AKNAD1: variants seen among roughly 807,000 people sequenced by gnomAD.
The protein encoded by AKNAD1 is protein AKNAD1.
A neutral mutation model predicts 90.8 loss-of-function variants in AKNAD1; 67 were observed. The observed-to-expected ratio is 0.74, with a 90% confidence interval of 0.61 to 0.90. The LOEUF (loss-of-function observed/expected upper bound fraction) is 0.90, where lower values mean the gene tolerates loss of function less well. AKNAD1 is among the 40% of genes least tolerant of loss of function. The pLI, the probability that AKNAD1 is intolerant of heterozygous loss-of-function variation, is 0.00. For synonymous variants in AKNAD1, 327 were observed against 341.4 expected (o/e 0.96, Z 0.46); for missense variants, 957 against 975.4 (o/e 0.98, Z 0.25).
chr1:108,845,867 AC>A (rs1664687506), intron 5 of AKNAD1, among the ~76,000 whole-genome samples: 1 of 152,224 alleles, frequency 6.6e-6, no homozygotes, highest in South Asian at 2.1e-4. Flanking sequence ...TCACTTACGA[AC>A]TGGAAGCCTG....
In AKNAD1 at chr1:108,837,514, C is replaced by T. The variant is rs1312899871; in HGVS notation, c.1536+36G>A. On this transcript the variant is annotated intron_variant, in intron 7 of 15. Transcript: ENST00000370001. The stretch of plus-strand genomic sequence containing the variant: ...CTATAAATGCAAAAACACCATTTTT[C>T]CTGGCACAAAATTAGACTGTACATT... The T allele has an allele frequency of 1.9e-6, 3 of 1,562,764 alleles. No homozygotes were observed. In the Admixed American group the frequency reaches 5.6e-5, roughly 29 times the overall value.
intron 6 of AKNAD1, among the ~76,000 whole-genome samples, chr1:108,839,809 C>T (rs1664486086): frequency 6.6e-6 from 1 of 151,976 alleles, no homozygotes; most frequent in African/African-American, 2.4e-5. Context: ...TCACTTGAAC[C>T]CAGGAGTTCG....
intron 5 of AKNAD1, among the ~76,000 whole-genome samples, chr1:108,848,470 GGTTCTTCTCTTGAACCTCCC>G (rs1433074640): frequency 6.6e-6 from 1 of 152,084 alleles, no homozygotes; most frequent in African/African-American, 2.4e-5. Flanking sequence ...ACTGATTATG[GGTTCTTCTCTTGAACCTCCC>G]GTGGTGTCAG....
At chr1:108,829,404 C>T (rs2101175639) in intron 10 of AKNAD1, among the ~76,000 whole-genome samples, 1 of 152,268 alleles carries the variant, frequency 6.6e-6, no homozygotes, top group East Asian at 1.9e-4. Flanking sequence ...AAAAATGGTT[C>T]TTTAATGTCA....
chr1:108,826,221 G>C (rs1451384411), intron 11 of AKNAD1, among the ~76,000 whole-genome samples: 1 of 151,768 alleles, frequency 6.6e-6, no homozygotes, highest in Non-Finnish European at 1.5e-5. Context: ...AGGCAGAGCT[G>C]GAGGCATGGC....
chr1:108,827,088 T>C lies in AKNAD1; in HGVS notation c.1936+117A>G, dbSNP rs1664022074. On this transcript the variant is annotated intron_variant, in intron 11 of 15. Transcript: ENST00000370001. ...AAATAAATAAATACAACATGCAACA[T>C]CCTAGTGTAGGGAAATGCTCTTGGA... 8 of 732,980 alleles carry C rather than the reference T, an allele frequency of 1.1e-5. No homozygotes were observed. The South Asian group carries it at 1.2e-4, about 11-fold the overall frequency. 45.4% of individuals were successfully genotyped at this position (732,980 alleles called of 1,614,324 possible).
intron 5 of AKNAD1, among the ~76,000 whole-genome samples, chr1:108,845,185 A>G (rs972961573): frequency 6.6e-6 from 1 of 152,208 alleles, no homozygotes; most frequent in African/African-American, 2.4e-5. Context: ...GGGTAGATAA[A>G]AAGCGGCAGG....
chr1:108,851,669 T>G lies in AKNAD1; in HGVS notation c.993+3A>C. 1 of 1,577,428 alleles carries G rather than the reference T, an allele frequency of 6.3e-7. No homozygotes were observed. Among genetic ancestry groups the G allele is most frequent in the South Asian group, 1.2e-5 (1 of 83,908 alleles). ...TGTGTTTACAGGAGACTGTTTCATT[T>G]ACCTGGATTTGTTGTGAAGGTTCAG... On this transcript the variant is annotated splice_donor_region_variant and intron_variant, in intron 2 of 15. Transcript: ENST00000370001.
At position 108,852,047 on chromosome 1, in the gene AKNAD1, G is replaced by A. The variant is rs779756484; in HGVS notation, c.618C>T (p.Ser206=). 8 of 1,614,038 alleles carry A rather than the reference G, an allele frequency of 5.0e-6. No homozygotes were observed. In the South Asian group the frequency reaches 8.8e-5, roughly 18 times the overall value. Residue 206 remains serine, a synonymous_variant, in exon 2 of 16, where the codon AGC becomes AGT. Coordinates refer to ENST00000370001, the MANE Select transcript of AKNAD1 (RefSeq NM_152763.5). ...GAACATTCACATTTTCTTGATGGCT[G>A]CTATCTCCAGCAGCCACTGGCCCTT... ...DLEGPVAAGD[S]SHQENVNVLT...
At chr1:108,836,437 G>A (rs1664388251) in intron 7 of AKNAD1, among the ~76,000 whole-genome samples, 1 of 151,186 alleles carries the variant, frequency 6.6e-6, no homozygotes, top group South Asian at 2.1e-4. Flanking sequence ...GTGCTGCGGG[G>A]ACACAGAGGC....
upstream of AKNAD1, chr1:108,858,062 A>T (rs187676728): frequency 9.8e-5 from 15 of 152,786 alleles, no homozygotes; most frequent in African/African-American, 3.1e-4. Flanking sequence ...ACTCACCAAC[A>T]TCTTGGAGTC....
At chr1:108,839,379 A>G (rs1046535523) in intron 6 of AKNAD1, among the ~76,000 whole-genome samples, 37 of 151,460 alleles carry the variant, frequency 2.4e-4, no homozygotes, top group African/African-American at 8.0e-4. Flanking sequence ...AGGCTGAGGC[A>G]GGAGAATGGC....
chr1:108,853,136 C>CTTTTTTTTTTT (rs889504364), intron 1 of AKNAD1, among the ~76,000 whole-genome samples: 49 of 133,522 alleles, frequency 3.7e-4, no homozygotes, highest in Non-Finnish European at 4.8e-4. Context: ...TTTCTTTTTT[C>CTTTTTTTTTTT]TTTTTTTTTT....
Position 108,830,539 on chromosome 1 carries a change from T to C in AKNAD1, c.1838+20A>G. 1 of 1,612,544 alleles carries C rather than the reference T, an allele frequency of 6.2e-7. No homozygotes were observed. The highest frequency in any genetic ancestry group is 1.1e-5 in the South Asian group (1 of 91,060). ...CTGACTCCAATCCACCCTGGGAATGTAGCCACAAGAAGCCCTCACCATTCA... is the reference window on the plus strand; with the variant it reads ...CTGACTCCAATCCACCCTGGGAATGCAGCCACAAGAAGCCCTCACCATTCA... On this transcript the variant is annotated intron_variant, in intron 10 of 15. Transcript: ENST00000370001.
chr1:108,817,690 A>G (rs910865038), intron 14 of AKNAD1, among the ~76,000 whole-genome samples: 7 of 150,640 alleles, frequency 4.6e-5, no homozygotes, highest in Non-Finnish European at 1.0e-4. Context: ...TTTTTTTAGT[A>G]GAGATGGGGT....
At chr1:108,845,556 C>G (rs900026565) in intron 5 of AKNAD1, among the ~76,000 whole-genome samples, 1 of 152,222 alleles carries the variant, frequency 6.6e-6, no homozygotes, top group Non-Finnish European at 1.5e-5. Flanking sequence ...TTCCCTTAGC[C>G]TTGCCCACAC....
At position 108,852,206 on chromosome 1, in the gene AKNAD1, T is replaced by C; in HGVS notation, c.459A>G (p.Ser153=). The C allele has an allele frequency of 6.2e-7, 1 of 1,613,574 alleles. No individual in the cohort carries two copies. Among genetic ancestry groups the C allele is most frequent in the Non-Finnish European group, 8.5e-7 (1 of 1,179,750 alleles). ...TTGGCCAAGAATTCTTATTATAACA[T>C]GAAATAATACTTTTAATAATAGCTT... ...EEEAIIKSII[S]CYNKNSWPKE... is the part of the protein sequence containing the mutation. Residue 153 remains serine, a synonymous_variant, in exon 2 of 16, where the codon TCA becomes TCG. Transcript: ENST00000370001.
At chr1:108,830,297 G>A (rs184959228) in intron 10 of AKNAD1, among the ~76,000 whole-genome samples, 25 of 152,322 alleles carry the variant, frequency 1.6e-4, no homozygotes, top group African/African-American at 4.3e-4. Context: ...CACCGCTGGC[G>A]ATGCTGAGAC....
At chr1:108,830,430 C>T in intron 10 of AKNAD1, 129 bp downstream of exon 10, 1 of 820,848 alleles carries the variant, frequency 1.2e-6, no homozygotes, top group Non-Finnish European at 2.0e-6. Flanking sequence ...GCTCTGTGCC[C>T]AGGCCTGAGA....
Sources: gnomAD v4.1 joint callset for allele counts (sites outside exome capture counted in the v4.1 genomes callset) on GRCh38, gnomAD v4.1.1 for gene constraint, MANE v1.5 for transcripts, NCBI Gene and HGNC (gene_info 2026-07-23, HGNC 2026-07-21) for gene names.